FRYL: variants seen among roughly 807,000 people sequenced by gnomAD.
The protein encoded by FRYL is FRY like transcription coactivator.
A neutral mutation model predicts 351.2 loss-of-function variants in FRYL; 150 were observed. The observed-to-expected ratio is 0.43, with a 90% CI of 0.37 to 0.49. The LOEUF (loss-of-function observed/expected upper bound fraction) is 0.49. FRYL is among the 20% of genes least tolerant of loss of function. The probability of loss-of-function intolerance (pLI) is 0.00; values close to 1 mark genes in which losing one functional copy is unlikely to be tolerated. For synonymous variants in FRYL, 1,153 were observed against 1,257.1 expected, an observed-to-expected ratio of 0.92 and a Z score of 1.75; for missense variants, 3,036 against 3,619.3, an observed-to-expected ratio of 0.84 and a Z score of 4.13.
chr4:48,729,154 G>T (rs1221595190), intron 1 of FRYL, among the ~76,000 whole-genome samples: 2 of 152,226 alleles, frequency 1.3e-5, no homozygotes, highest in Non-Finnish European at 2.9e-5. Flanking sequence ...TGGGACGTGG[G>T]AGTTTGCTGA....
In FRYL at chr4:48,593,914, A is replaced by G. The variant is rs751540129; in HGVS notation, c.1335+16T>C. Reference sequence around the variant, plus strand: ...AAAATCTAGGATTTTATATTATTACATTATAATTTTTTTACCTCTGGATTA... The same window carrying G: ...AAAATCTAGGATTTTATATTATTACGTTATAATTTTTTTACCTCTGGATTA... On this transcript the variant is annotated intron_variant, in intron 16 of 63. Coordinates refer to ENST00000358350, the MANE Select transcript of FRYL (RefSeq NM_015030.2). 4 of 1,166,550 alleles carry G rather than the reference A, an allele frequency of 3.4e-6. No homozygotes were observed. The highest frequency in any genetic ancestry group is 3.4e-5 in the Admixed American group (1 of 29,364). The allele number at this position is 1,166,550 out of a possible 1,614,324, so 72.3% of individuals were successfully genotyped here.
chr4:48,598,721 G>T, intron 13 of FRYL: 1 of 277,856 alleles, frequency 3.6e-6, no homozygotes, highest in Non-Finnish European at 5.5e-6. Context: ...GAAGCAGGTT[G>T]GAATAAATAC....
At chr4:48,605,520 T>C (rs1282246739) in intron 11 of FRYL, among the ~76,000 whole-genome samples, 1 of 152,142 alleles carries the variant, frequency 6.6e-6, no homozygotes, top group African/African-American at 2.4e-5. Context: ...TCCCCTACCA[T>C]CTGCAACAAC....
At chr4:48,509,432 C>CA (rs1722017974) in intron 59 of FRYL, among the ~76,000 whole-genome samples, 1 of 152,186 alleles carries the variant, frequency 6.6e-6, no homozygotes, top group Non-Finnish European at 1.5e-5. Flanking sequence ...TAGGTCTATA[C>CA]ATGTCACAGA....
intron 1 of FRYL, among the ~76,000 whole-genome samples, chr4:48,771,556 A>G (rs1775508095): frequency 1.3e-5 from 2 of 152,232 alleles, no homozygotes; most frequent in South Asian, 4.1e-4. Context: ...AGACTTAACA[A>G]GACAATTTTT....
chr4:48,508,681 T>C (rs1486916471), intron 59 of FRYL, among the ~76,000 whole-genome samples: 1 of 152,268 alleles, frequency 6.6e-6, no homozygotes, highest in South Asian at 2.1e-4. Context: ...AAGTTCCAAG[T>C]TGGCTTCACT....
rs141884460 is a variant in FRYL, at chr4:48,634,641, T to C, written c.-80-151A>G. Among the ~76,000 whole-genome samples, 1,487 of 152,316 alleles carry C rather than the reference T, an allele frequency of 9.8e-3. 15 individuals carry two copies. Among genetic ancestry groups the C allele is most frequent in the Non-Finnish European group, 0.014 (950 of 68,030 alleles). On this transcript the variant is annotated intron_variant, in intron 3 of 63. Transcript: ENST00000358350. Reference sequence around the variant, plus strand: ...TAATCCATTTTGTCTATTTCTAACATACTAACATATTTATAATTTAATTAC... The same window carrying C: ...TAATCCATTTTGTCTATTTCTAACACACTAACATATTTATAATTTAATTAC...
chr4:48,575,345 A>G (rs942127625), intron 24 of FRYL, 104 bp from the exon 25 acceptor site: 2 of 1,207,310 alleles, frequency 1.7e-6, no homozygotes, highest in Admixed American at 4.1e-5. Context: ...TGGACAGGTG[A>G]AACTTTACTA....
chr4:48,523,143 A>G (rs749521522), intron 53 of FRYL, 39 bp from the exon 54 acceptor site: 2 of 1,329,198 alleles, frequency 1.5e-6, no homozygotes, highest in African/African-American at 1.4e-5. Context: ...CCTCAAATAC[A>G]TGCTTCTAAA....
chr4:48,557,439 A>G lies in FRYL; in HGVS notation c.4125+14T>C. 6.2e-7 allele frequency: 1 copy of G among 1,613,132 alleles called. No homozygotes were observed. Among genetic ancestry groups the G allele is most frequent in the Middle Eastern group, 1.7e-4 (1 of 6,056 alleles). The stretch of plus-strand genomic sequence containing the variant: ...AATTCTGTGCAGCAATTATAAATAC[A>G]AAACTCATTTTACCTTTGCTGTCAT... On this transcript the variant is annotated intron_variant, in intron 34 of 63. Coordinates refer to ENST00000358350, the MANE Select transcript of FRYL (RefSeq NM_015030.2).
At chr4:48,757,791 C>T (rs536810292) in intron 1 of FRYL, among the ~76,000 whole-genome samples, 3,073 of 152,154 alleles carry the variant, frequency 0.02, 103 homozygotes, top group African/African-American at 0.071. Context: ...AATCCTAAGC[C>T]AAAAGAACAA....
chr4:48,728,920 C>G (rs1317451023), intron 1 of FRYL, among the ~76,000 whole-genome samples: 3 of 152,236 alleles, frequency 2.0e-5, no homozygotes, highest in Non-Finnish European at 4.4e-5. Flanking sequence ...GGCAGGTCGT[C>G]ACCTCACCTG....
intron 7 of FRYL, among the ~76,000 whole-genome samples, chr4:48,616,084 G>A (rs1453860901): frequency 1.3e-5 from 2 of 152,206 alleles, no homozygotes; most frequent in Middle Eastern, 6.8e-3. Context: ...GGGGAGCTAG[G>A]GGAGGGACGG....
At chr4:48,761,761 A>G (rs1283224457) in intron 1 of FRYL, among the ~76,000 whole-genome samples, 1 of 152,198 alleles carries the variant, frequency 6.6e-6, no homozygotes, top group Non-Finnish European at 1.5e-5. Context: ...AACATGGTGT[A>G]AAGGTTTGTA....
At chr4:48,740,092 T>A (rs1771879323) in intron 1 of FRYL, among the ~76,000 whole-genome samples, 1 of 152,032 alleles carries the variant, frequency 6.6e-6, no homozygotes, top group Non-Finnish European at 1.5e-5. Flanking sequence ...AGGTAATTTG[T>A]TAGAAGCAAT....
At chr4:48,594,680 T>C (rs1466097856) in intron 15 of FRYL, among the ~76,000 whole-genome samples, 1 of 152,232 alleles carries the variant, frequency 6.6e-6, no homozygotes, top group Non-Finnish European at 1.5e-5. Context: ...ATTCTTTATT[T>C]CTTCACTGTC....
chr4:48,608,507 G>C (rs1441853582), intron 9 of FRYL, among the ~76,000 whole-genome samples: 1 of 152,000 alleles, frequency 6.6e-6, no homozygotes. Flanking sequence ...AACTCTTAAT[G>C]AATTAACAGT....
intron 41 of FRYL, 67 bp downstream of exon 41, chr4:48,547,516 CT>C: frequency 1.2e-6 from 1 of 860,422 alleles, no homozygotes; most frequent in Non-Finnish European, 1.7e-6. Context: ...AGTTGACTTT[CT>C]CTAATGCAGG....
intron 1 of FRYL, among the ~76,000 whole-genome samples, chr4:48,772,679 CAAAAAAAA>C (rs33926702): frequency 4.0e-4 from 20 of 50,298 alleles, no homozygotes; most frequent in South Asian, 2.5e-3. Flanking sequence ...AGAGACCTAC[CAAAAAAAA>C]AAAAAAAAAA....
Sources: gnomAD v4.1 joint callset for allele counts (sites outside exome capture counted in the v4.1 genomes callset) on GRCh38, gnomAD v4.1.1 for gene constraint, MANE v1.5 for transcripts, NCBI Gene and HGNC (gene_info 2026-07-23, HGNC 2026-07-21) for gene names.